The following SIDT1 variants were observed in gnomAD, a reference collection of about 807,000 sequenced individuals.
SIDT1 encodes SID1 transmembrane family member 1.
SIDT1 carries 101 observed loss-of-function variants against 107.5 expected under a neutral mutation model. That is an observed-to-expected ratio of 0.94 (90% CI 0.80 to 1.11). The LOEUF (loss-of-function observed/expected upper bound fraction) is 1.11, where lower values mean the gene tolerates loss of function less well. SIDT1 is among the 50% of genes least tolerant of loss of function. The probability of loss-of-function intolerance (pLI) is 0.00; values close to 1 mark genes in which losing one functional copy is unlikely to be tolerated. For missense variants in SIDT1, 1,076 were observed against 1,058.2 expected, an observed-to-expected ratio of 1.02 and a Z score of -0.23; for synonymous variants, 395 against 398.2, an observed-to-expected ratio of 0.99 and a Z score of 0.10.
intron 3 of SIDT1, among the ~76,000 whole-genome samples, chr3:113,570,611 G>T (rs1280349662): frequency 6.6e-6 from 1 of 152,186 alleles, no homozygotes; most frequent in Non-Finnish European, 1.5e-5. Flanking sequence ...CTTAGCCTCA[G>T]CAACCAGACT....
chr3:113,585,129 T>C (rs918440615), intron 8 of SIDT1, 48 bp from the exon 9 acceptor site: 1 of 1,321,746 alleles, frequency 7.6e-7, no homozygotes, highest in African/African-American at 1.5e-5. Context: ...GATGGAGTCT[T>C]CTTTTCTGCA....
At chr3:113,548,335 T>A (rs1456467467) in intron 1 of SIDT1, among the ~76,000 whole-genome samples, 3 of 152,160 alleles carry the variant, frequency 2.0e-5, no homozygotes, top group Non-Finnish European at 2.9e-5. Context: ...ATTATGGTAC[T>A]GTACAGAATA....
intron 23 of SIDT1, 64 bp from the exon 24 acceptor site, chr3:113,626,038 G>A (rs1331114698): frequency 7.8e-6 from 9 of 1,152,750 alleles, no homozygotes; most frequent in Admixed American, 1.7e-5. Flanking sequence ...CTTTCTGGAC[G>A]TTCAACTCTT....
intron 14 of SIDT1, 146 bp downstream of exon 14, chr3:113,605,122 C>CACTTTTT: frequency 3.9e-5 from 12 of 306,984 alleles, no homozygotes; most frequent in Non-Finnish European, 5.9e-5. Context: ...CTATTGCTTC[C>CACTTTTT]TCTTTTTTTT....
At chr3:113,576,525 C>A (rs1038933793) in intron 3 of SIDT1, among the ~76,000 whole-genome samples, 1 of 152,058 alleles carries the variant, frequency 6.6e-6, no homozygotes, top group African/African-American at 2.4e-5. Context: ...CTACATTATC[C>A]AAAAGGACCT....
At chr3:113,551,321 G>T (rs1215134237) in intron 1 of SIDT1, among the ~76,000 whole-genome samples, 1 of 152,074 alleles carries the variant, frequency 6.6e-6, no homozygotes, top group Non-Finnish European at 1.5e-5. Context: ...CTGTTTTGAG[G>T]TTCAAAGTAC....
At position 113,627,925 on chromosome 3, in the gene SIDT1, G is replaced by C. The variant is rs1946960398; in HGVS notation, c.*217G>C. The stretch of plus-strand genomic sequence containing the variant: ...ATGTTTTGAGGACAGACGCAAACCT[G>C]AGGAGCTGAGAAACACTTGCTCCTT... On this transcript the variant is annotated 3_prime_UTR_variant, in exon 25 of 25. Transcript: ENST00000264852. 1.8e-6 allele frequency: 1 copy of C among 567,178 alleles called. No homozygotes were observed. The highest frequency in any genetic ancestry group is 1.9e-5 in the African/African-American group (1 of 53,130). 35.1% of individuals were successfully genotyped at this position (567,178 alleles called of 1,614,324 possible). A position where few individuals can be genotyped will look rare whatever the true frequency, so the allele number is the denominator to read the frequency against.
intron 19 of SIDT1, chr3:113,615,091 A>C (rs1946008565): frequency 6.5e-7 from 1 of 1,535,186 alleles, no homozygotes; most frequent in Admixed American, 2.0e-5. Context: ...ATGTTCAGCC[A>C]CCCTTTCCAG....
intron 14 of SIDT1, 141 bp from the exon 15 acceptor site, chr3:113,606,900 C>T (rs1042122606): frequency 6.9e-6 from 4 of 577,662 alleles, no homozygotes; most frequent in African/African-American, 3.7e-5. Context: ...AGATAATGGC[C>T]CATCTGTGCA....
chr3:113,603,894 G>A lies in SIDT1; in HGVS notation c.1264-66G>A, dbSNP rs1192273685. On this transcript the variant is annotated intron_variant, in intron 12 of 24. Transcript: ENST00000264852. ...TTAAATTGAGACATTTGTTATGTTTGCCTTTGTATCTCATGCATAAAGAGC... is the reference window on the plus strand; with the variant it reads ...TTAAATTGAGACATTTGTTATGTTTACCTTTGTATCTCATGCATAAAGAGC... The A allele has an allele frequency of 4.1e-6, 4 of 986,370 alleles. No individual in the cohort carries two copies. In the Admixed American group the frequency reaches 6.6e-5, roughly 16 times the overall value. The allele number at this position is 986,370 out of a possible 1,614,324, so 61.1% of individuals were successfully genotyped here. A position where few individuals can be genotyped will look rare whatever the true frequency, so the allele number is the denominator to read the frequency against.
chr3:113,593,935 T>A (rs1343622670), intron 10 of SIDT1, among the ~76,000 whole-genome samples: 1 of 152,202 alleles, frequency 6.6e-6, no homozygotes, highest in African/African-American at 2.4e-5. Flanking sequence ...CTGATCTTTT[T>A]AACAAAATTA....
At chr3:113,552,686 C>T (rs1940400886) in intron 1 of SIDT1, among the ~76,000 whole-genome samples, 1 of 152,128 alleles carries the variant, frequency 6.6e-6, no homozygotes, top group Non-Finnish European at 1.5e-5. Context: ...ACCCCTGGAC[C>T]CCGCTGCTGT....
chr3:113,535,541 CAT>C (rs1938048739), intron 1 of SIDT1, among the ~76,000 whole-genome samples: 2 of 152,136 alleles, frequency 1.3e-5, no homozygotes, highest in African/African-American at 4.8e-5. Context: ...TGTGTGTTAA[CAT>C]GTCCTTTATT....
chr3:113,626,511 T>C (rs1192760649), intron 24 of SIDT1, among the ~76,000 whole-genome samples: 1 of 152,206 alleles, frequency 6.6e-6, no homozygotes, highest in African/African-American at 2.4e-5. Context: ...ATGCCCAGAA[T>C]TCCCCCAGGA....
At chr3:113,602,438 G>A (rs1945025073) in intron 11 of SIDT1, 1 of 152,256 alleles carries the variant, frequency 6.6e-6, no homozygotes. Context: ...GGTAAGCTCA[G>A]CTCATGTGCC....
chr3:113,566,972 G>A (rs1028141844), intron 2 of SIDT1, among the ~76,000 whole-genome samples: 1 of 152,142 alleles, frequency 6.6e-6, no homozygotes, highest in African/African-American at 2.4e-5. Context: ...CACAGCAGTG[G>A]AAAAACAACA....
intron 9 of SIDT1, chr3:113,592,717 A>G: frequency 5.9e-6 from 2 of 341,328 alleles, no homozygotes; most frequent in Non-Finnish European, 1.1e-5. Flanking sequence ...CCTCCCAAGT[A>G]GCTGGGACTA....
At position 113,557,263 on chromosome 3, in the gene SIDT1, G is replaced by A. The variant is rs868238635; in HGVS notation, c.223-9157G>A. On this transcript the variant is annotated intron_variant, in intron 1 of 24. Transcript: ENST00000264852. ...AAGATAAGATGACAGTAAGGGAAAGGTAGAGTTTTGGAGAATGAGTCATTG... is the reference window on the plus strand; with the variant it reads ...AAGATAAGATGACAGTAAGGGAAAGATAGAGTTTTGGAGAATGAGTCATTG... 2.0e-5 allele frequency among the ~76,000 whole-genome samples: 3 copies of A among 152,304 alleles called. No homozygotes were observed. The South Asian group carries it at 6.2e-4, about 32-fold the overall frequency.
At chr3:113,541,111 A>AATATATATAT (rs10534213) in intron 1 of SIDT1, among the ~76,000 whole-genome samples, 5 of 149,164 alleles carry the variant, frequency 3.4e-5, no homozygotes, top group African/African-American at 1.2e-4. Flanking sequence ...TCTTAGTTCT[A>AATATATATAT]ATATATATAT....
Sources: gnomAD v4.1 joint callset for allele counts (sites outside exome capture counted in the v4.1 genomes callset) on GRCh38, gnomAD v4.1.1 for gene constraint, MANE v1.5 for transcripts, NCBI Gene and HGNC (gene_info 2026-07-23, HGNC 2026-07-21) for gene names.